The following LIPA variants were observed in gnomAD, a reference collection of about 807,000 sequenced individuals.
LIPA encodes lysosomal acid lipase/cholesteryl ester hydrolase.
LIPA carries 26 observed loss-of-function variants against 40.6 expected under a neutral mutation model. The observed-to-expected ratio is 0.64, with a 90% CI of 0.47 to 0.89. The LOEUF (loss-of-function observed/expected upper bound fraction) is 0.89, where lower values mean the gene tolerates loss of function less well. Among genes scored for constraint, LIPA ranks in the 40% least tolerant of loss-of-function variants. The pLI, the probability that LIPA is intolerant of heterozygous loss-of-function variation, is 0.00. For synonymous variants in LIPA, 188 were observed against 168.4 expected, an observed-to-expected ratio of 1.12 and a Z score of -0.90; for missense variants, 455 against 479.6, an observed-to-expected ratio of 0.95 and a Z score of 0.48.
chr10:89,387,985 A>G (rs1314947627), intron 2 of LIPA, among the ~76,000 whole-genome samples: 2 of 152,240 alleles, frequency 1.3e-5, no homozygotes, highest in Non-Finnish European at 2.9e-5. Flanking sequence ...TATCCAAAAT[A>G]TGTAGGGAAT....
At chr10:89,361,944 G>C (rs993224587) in intron 2 of LIPA, among the ~76,000 whole-genome samples, 1 of 135,776 alleles carries the variant, frequency 7.4e-6, no homozygotes, top group African/African-American at 2.8e-5. Context: ...TGTCACCCTG[G>C]CTGGAGGGCA....
intron 2 of LIPA, chr10:89,412,558 TG>T (rs1418647292): frequency 5.8e-6 from 1 of 171,606 alleles, no homozygotes; most frequent in African/African-American, 2.4e-5. Flanking sequence ...GTGGAAGTTT[TG>T]TTCTTTCGCT....
chr10:89,263,993 G>C (rs1025437479), intron 1 of LIPA, among the ~76,000 whole-genome samples: 1 of 152,248 alleles, frequency 6.6e-6, no homozygotes, highest in African/African-American at 2.4e-5. Context: ...TCTGGATAAG[G>C]GGAGTGTGCT....
chr10:89,387,221 C>G (rs1185756152), intron 2 of LIPA, among the ~76,000 whole-genome samples: 1 of 149,168 alleles, frequency 6.7e-6, no homozygotes, highest in African/African-American at 2.5e-5. Context: ...GAGGCTGAGG[C>G]AGGACAATGG....
At chr10:89,347,555 T>A (rs931934409), upstream of LIPA, among the ~76,000 whole-genome samples, 26 of 152,208 alleles carry the variant, frequency 1.7e-4, no homozygotes, top group African/African-American at 6.3e-4. Flanking sequence ...GCATGGTCCA[T>A]CCCCTTAGTC....
intron 1 of LIPA, among the ~76,000 whole-genome samples, chr10:89,264,000 T>C (rs1244727004): frequency 6.6e-6 from 1 of 152,186 alleles, no homozygotes; most frequent in Non-Finnish European, 1.5e-5. Flanking sequence ...AAGGGGAGTG[T>C]GCTGGCATCC....
intron 1 of LIPA, among the ~76,000 whole-genome samples, chr10:89,261,303 A>G (rs1843205963): frequency 6.6e-6 from 1 of 152,216 alleles, no homozygotes; most frequent in African/African-American, 2.4e-5. Flanking sequence ...AGAAGAGCTC[A>G]AGACCAGACT....
chr10:89,318,918 A>G (rs1188381481), intron 1 of LIPA, among the ~76,000 whole-genome samples: 2 of 152,198 alleles, frequency 1.3e-5, no homozygotes. Flanking sequence ...CTCACTCAAA[A>G]CTGCTCAACT....
intron 3 of LIPA, among the ~76,000 whole-genome samples, chr10:89,242,528 A>C (rs1564762757): frequency 1.3e-5 from 2 of 152,214 alleles, no homozygotes; most frequent in African/African-American, 4.8e-5. Flanking sequence ...TGAGCAGAGA[A>C]GCCATGTGGC....
intron 1 of LIPA, among the ~76,000 whole-genome samples, chr10:89,296,346 C>CAGCTGGGCCTGGT (rs1389817869): frequency 3.3e-5 from 5 of 151,746 alleles, no homozygotes; most frequent in African/African-American, 1.2e-4. Context: ...ATACAAAAAT[C>CAGCTGGGCCTGGT]AGCTGGGCCT....
rs143073389 is a variant in LIPA at position 89,360,066 on chromosome 10, G to T, written c.61+52725C>A. Among the ~76,000 whole-genome samples the T allele has an allele frequency of 8.5e-5, 13 of 152,246 alleles. No individual in the cohort carries two copies. The East Asian group carries it at 2.5e-3, about 29-fold the overall frequency. ...ACTTAAACTCACACATGTACTAAGT[G>T]GGGCAGAATTGGGTTGTTAACCAGG... On this transcript the variant is annotated intron_variant, in intron 2 of 8. Transcript: ENST00000371837.
intron 2 of LIPA, among the ~76,000 whole-genome samples, chr10:89,394,596 A>ATATATTT (rs1844309043): frequency 1.9e-4 from 3 of 15,496 alleles, no homozygotes; most frequent in African/African-American, 1.2e-3. Flanking sequence ...ATATATATAT[A>ATATATTT]TATATATATA....
chr10:89,260,979 G>T (rs1462943055), intron 1 of LIPA, among the ~76,000 whole-genome samples: 1 of 152,206 alleles, frequency 6.6e-6, no homozygotes, highest in Non-Finnish European at 1.5e-5. Context: ...AAGGTAGCTA[G>T]TAGTGACACA....
At chr10:89,300,794 C>T (rs1459943293) in intron 1 of LIPA, among the ~76,000 whole-genome samples, 1 of 152,136 alleles carries the variant, frequency 6.6e-6, no homozygotes, top group Non-Finnish European at 1.5e-5. Flanking sequence ...CGAGACCAGC[C>T]TGGCCAACAT....
chr10:89,339,600 G>A (rs764316014), intron 1 of LIPA: 2 of 1,614,134 alleles, frequency 1.2e-6, no homozygotes, highest in Admixed American at 3.3e-5. Context: ...AATATGCTAT[G>A]GACTATTCGA....
intron 1 of LIPA, chr10:89,302,017 A>G: frequency 8.1e-7 from 1 of 1,240,946 alleles, no homozygotes; most frequent in African/African-American, 1.5e-5. Context: ...GGCCACTTGT[A>G]TATATAGGTC....
intron 1 of LIPA, chr10:89,293,700 G>GAGAGAGAGAGAGAA (rs1843391698): frequency 6.6e-6 from 1 of 152,012 alleles, no homozygotes; most frequent in Non-Finnish European, 1.5e-5. Context: ...GAGAGAGAGA[G>GAGAGAGAGAGAGAA]AGAGAGAGAG....
At chr10:89,373,924 AACCATGC>A (rs1171341629) in intron 2 of LIPA, among the ~76,000 whole-genome samples, 3 of 152,340 alleles carry the variant, frequency 2.0e-5, no homozygotes, top group Non-Finnish European at 4.4e-5. Flanking sequence ...AGTGGTTTTA[AACCATGC>A]ACAAAAAAAT....
At chr10:89,315,854 A>C (rs1429389739) in intron 1 of LIPA, among the ~76,000 whole-genome samples, 1 of 152,208 alleles carries the variant, frequency 6.6e-6, no homozygotes, top group Non-Finnish European at 1.5e-5. Flanking sequence ...AAACAGAGAT[A>C]ATTAAATCTA....
Sources: allele counts gnomAD v4.1 joint callset (sites outside exome capture counted in the v4.1 genomes callset), GRCh38; gene constraint gnomAD v4.1.1; transcripts MANE v1.5; gene names NCBI Gene and HGNC (gene_info 2026-07-23, HGNC 2026-07-21).